The following CSMD3 variants were observed in gnomAD, a reference collection of about 807,000 sequenced individuals.
The protein encoded by CSMD3 is CUB and sushi domain-containing protein 3.
CSMD3 carries 177 observed loss-of-function variants against 435.2 expected under a neutral mutation model. That is an observed-to-expected ratio of 0.41 (90% CI 0.36 to 0.46). The LOEUF is 0.46. Ranked by LOEUF, CSMD3 falls within the 20% of genes least tolerant of loss-of-function variation. The pLI, the probability that CSMD3 is intolerant of heterozygous loss-of-function variation, is 0.34. For synonymous variants in CSMD3, 1,656 were observed against 1,520.5 expected, an observed-to-expected ratio of 1.09 and a Z score of -2.07; for missense variants, 4,265 against 4,504.6, an observed-to-expected ratio of 0.95 and a Z score of 1.52.
At chr8:113,176,905 A>C (rs1467180683) in intron 3 of CSMD3, among the ~76,000 whole-genome samples, 1 of 151,996 alleles carries the variant, frequency 6.6e-6, no homozygotes, top group South Asian at 2.1e-4. Flanking sequence ...TTAAAAAAAA[A>C]AATAAAGTAT....
intron 3 of CSMD3, among the ~76,000 whole-genome samples, chr8:113,252,823 A>G (rs931691611): frequency 2.0e-5 from 3 of 152,182 alleles, no homozygotes; most frequent in African/African-American, 7.2e-5. Flanking sequence ...AGAAAGCCCA[A>G]TATCTGCATT....
At chr8:112,783,466 GAAGGAAGGA>G (rs2078450573) in intron 13 of CSMD3, among the ~76,000 whole-genome samples, 1 of 97,536 alleles carries the variant, frequency 1.0e-5, no homozygotes, top group Non-Finnish European at 1.9e-5. Flanking sequence ...AGGAAGGAAG[GAAGGAAGGA>G]AGGAAGGGAG....
At chr8:113,026,704 C>T (rs987554197) in intron 5 of CSMD3, among the ~76,000 whole-genome samples, 1 of 152,092 alleles carries the variant, frequency 6.6e-6, no homozygotes, top group African/African-American at 2.4e-5. Context: ...TTTTTATACT[C>T]TTTATAAGTT....
At chr8:112,340,321 A>C (rs1025172554) in intron 42 of CSMD3, among the ~76,000 whole-genome samples, 4 of 152,176 alleles carry the variant, frequency 2.6e-5, no homozygotes, top group African/African-American at 9.6e-5. Context: ...TATTTTATGA[A>C]AGTGATTATG....
intron 22 of CSMD3, among the ~76,000 whole-genome samples, chr8:112,591,328 A>G (rs2131370047): frequency 6.6e-6 from 1 of 152,230 alleles, no homozygotes; most frequent in East Asian, 1.9e-4. Context: ...CTGAAATTTG[A>G]TGATAAGAGT....
intron 3 of CSMD3, among the ~76,000 whole-genome samples, chr8:113,257,386 G>C (rs1236669224): frequency 1.3e-5 from 2 of 152,104 alleles, no homozygotes; most frequent in Non-Finnish European, 2.9e-5. Flanking sequence ...ACTCCAGCCT[G>C]GGCAACAGGG....
chr8:113,403,222 T>C (rs1056338325), intron 1 of CSMD3, among the ~76,000 whole-genome samples: 2 of 151,382 alleles, frequency 1.3e-5, no homozygotes, highest in Non-Finnish European at 3.0e-5. Flanking sequence ...ACAAATATGA[T>C]GAATAATTAA....
At chr8:112,620,869 C>T (rs998130046) in intron 22 of CSMD3, among the ~76,000 whole-genome samples, 52 of 151,808 alleles carry the variant, frequency 3.4e-4, no homozygotes, top group African/African-American at 1.2e-3. Flanking sequence ...CTCTTTTCGC[C>T]TCCTCATATC....
In CSMD3 at chr8:112,310,523, A is replaced by G. The variant is rs530776666; in HGVS notation, c.7885+455T>C. On this transcript the variant is annotated intron_variant, in intron 50 of 70. Coordinates refer to ENST00000297405, the MANE Select transcript of CSMD3 (RefSeq NM_198123.2). ...GTTATCTGTACCACTGAAGAAAAAA[A>G]ATATCCAGGTGGTGGGTTACATTTT... 7 of 228,724 alleles carry G rather than the reference A, an allele frequency of 3.1e-5. No homozygotes were observed. The Admixed American group carries it at 3.6e-4, about 12-fold the overall frequency. The allele number at this position is 228,724 out of a possible 1,614,324, so 14.2% of individuals were successfully genotyped here.
At chr8:113,162,908 A>AT (rs2092073464) in intron 4 of CSMD3, among the ~76,000 whole-genome samples, 1 of 152,078 alleles carries the variant, frequency 6.6e-6, no homozygotes, top group Non-Finnish European at 1.5e-5. Context: ...CCACGTTAAA[A>AT]TTTTCAGATG....
chr8:113,343,584 A>C (rs2094133934), intron 1 of CSMD3, among the ~76,000 whole-genome samples: 1 of 152,184 alleles, frequency 6.6e-6, no homozygotes, highest in African/African-American at 2.4e-5. Flanking sequence ...GGCTTCCCAT[A>C]TATTATTGAA....
chr8:113,029,935 G>T (rs11989169), intron 5 of CSMD3, among the ~76,000 whole-genome samples: 1 of 151,308 alleles, frequency 6.6e-6, no homozygotes, highest in East Asian at 1.9e-4. Context: ...CAAAGTTTCC[G>T]CATAGATTAA....
intron 2 of CSMD3, among the ~76,000 whole-genome samples, chr8:113,280,077 G>A (rs1243377107): frequency 6.6e-6 from 1 of 151,770 alleles, no homozygotes; most frequent in Non-Finnish European, 1.5e-5. Flanking sequence ...CTAGTATTTT[G>A]TTAATGATTT....
intron 36 of CSMD3, among the ~76,000 whole-genome samples, chr8:112,385,226 T>A (rs536895021): frequency 6.6e-6 from 1 of 152,320 alleles, no homozygotes; most frequent in South Asian, 2.1e-4. Flanking sequence ...GGGCATATCA[T>A]TCAAGGAAAG....
intron 5 of CSMD3, among the ~76,000 whole-genome samples, chr8:113,053,075 A>C (rs1487698477): frequency 6.6e-6 from 1 of 152,184 alleles, no homozygotes; most frequent in African/African-American, 2.4e-5. Context: ...TAATGCCAAC[A>C]AATAGGCTTC....
intron 16 of CSMD3, among the ~76,000 whole-genome samples, chr8:112,673,852 G>A (rs1223539994): frequency 6.6e-6 from 1 of 152,098 alleles, no homozygotes; most frequent in East Asian, 1.9e-4. Flanking sequence ...AGCTATGCAG[G>A]GAGTTCTGTG....
intron 1 of CSMD3, among the ~76,000 whole-genome samples, chr8:113,412,322 A>G (rs1195458510): frequency 1.3e-5 from 2 of 152,108 alleles, no homozygotes; most frequent in African/African-American, 4.8e-5. Context: ...TGTGTCTTCA[A>G]TTTTGTCTTG....
chr8:113,435,793 C>T (rs1245590059), intron 1 of CSMD3, among the ~76,000 whole-genome samples: 1 of 152,016 alleles, frequency 6.6e-6, no homozygotes, highest in African/African-American at 2.4e-5. Flanking sequence ...AGCAGGGTGC[C>T]GGAGAAGTTG....
chr8:112,301,989 A>C, intron 52 of CSMD3, 23 bp from the exon 53 acceptor site: 2 of 1,518,378 alleles, frequency 1.3e-6, no homozygotes, highest in Non-Finnish European at 1.8e-6. Flanking sequence ...AAATAAATAA[A>C]AATCCTTAAA....
Sources: gnomAD v4.1 joint callset for allele counts (sites outside exome capture counted in the v4.1 genomes callset) on GRCh38, gnomAD v4.1.1 for gene constraint, MANE v1.5 for transcripts, NCBI Gene and HGNC (gene_info 2026-07-23, HGNC 2026-07-21) for gene names.